KIF1A: variants seen among roughly 807,000 people sequenced by gnomAD.
The protein encoded by KIF1A is kinesin-like protein KIF1A.
In KIF1A, 46 loss-of-function variants were observed where a neutral mutation model predicts 227.3. The ratio of observed to expected loss-of-function variants is 0.20; its 90% CI spans 0.16 to 0.26. KIF1A has a LOEUF of 0.26. Ranked by LOEUF, KIF1A falls within the 10% of genes least tolerant of loss-of-function variation. The pLI, the probability that KIF1A is intolerant of heterozygous loss-of-function variation, is 1.00. For missense variants in KIF1A, 1,683 were observed against 2,485.9 expected (o/e 0.68, Z 6.87); for synonymous variants, 1,022 against 1,012.8 (o/e 1.01, Z -0.17).
rs2054376590 is a variant in KIF1A at position 240,783,814 on chromosome 2, C to T, written c.723G>A (p.Val241=). ...DAETNITTEK[V]SKISLVDLAG... is the part of the protein sequence containing the mutation. Reference sequence around the variant, plus strand: ...CCAGGTCCACCAGGCTGATTTTGCTCACCTGAAACAGTAGATACATCACAT... The same window carrying T: ...CCAGGTCCACCAGGCTGATTTTGCTTACCTGAAACAGTAGATACATCACAT... The change falls in exon 8 of 49, where the codon GTG becomes GTA. Residue 241 remains valine (V), a splice_region_variant and synonymous_variant. Transcript: ENST00000498729. 2.5e-6 allele frequency: 4 copies of T among 1,587,614 alleles called. No individual in the cohort carries two copies. The highest frequency in any genetic ancestry group is 2.6e-6 in the Non-Finnish European group (3 of 1,166,892).
chr2:240,819,481 A>C (rs1381039057), intron 1 of KIF1A, among the ~76,000 whole-genome samples: 1 of 152,018 alleles, frequency 6.6e-6, no homozygotes, highest in African/African-American at 2.4e-5. Flanking sequence ...CCGTGCAACG[A>C]AGCGGGTGGC....
At position 240,771,242 on chromosome 2, in the gene KIF1A, T is replaced by C. The variant is rs773955329; in HGVS notation, c.1208-138A>G. On this transcript the variant is annotated intron_variant, in intron 14 of 48. Transcript: ENST00000498729. ...GGGAGGGAGAGAAAAAAGATGAAGA[T>C]GGGAAAAAGTAAGAGATGGGGCCCA... 974 of 1,030,162 alleles carry C rather than the reference T, an allele frequency of 9.5e-4. 7 individuals carry two copies. The highest frequency in any genetic ancestry group is 2.9e-3 in the Middle Eastern group (14 of 4,864). 63.8% of individuals were successfully genotyped at this position (1,030,162 alleles called of 1,614,324 possible).
chr2:240,783,184 G>A (rs1012040104), intron 8 of KIF1A, 75 bp from the exon 9 acceptor site: 4 of 1,161,730 alleles, frequency 3.4e-6, no homozygotes, highest in Non-Finnish European at 5.2e-6. Context: ...GATGCCCTGG[G>A]TGGACCTGTG....
rs1389600861 is a variant in KIF1A, at chr2:240,766,486, C to T, written c.1684+429G>A. On this transcript the variant is annotated intron_variant, in intron 19 of 48. Transcript: ENST00000498729. This position sits in a 1 kb window ranked among gnomAD's most constrained non-coding sequence, Gnocchi z 5.0. ...CTGGAAATAGTTTTCCACCCTAGAT[C>T]TGGGCTCAATCCTCATGGCTCACTG... Among the ~76,000 whole-genome samples the T allele has an allele frequency of 6.6e-6, 1 of 152,142 alleles. No homozygotes were observed. The highest frequency in any genetic ancestry group is 1.9e-4 in the East Asian group (1 of 5,182).
At chr2:240,786,234 G>T in intron 6 of KIF1A, 101 bp downstream of exon 6, 1 of 1,197,280 alleles carries the variant, frequency 8.4e-7, no homozygotes, top group Non-Finnish European at 1.2e-6. Flanking sequence ...GGGCACAGAT[G>T]GACCCTACCA....
rs766620713 is a variant in KIF1A at position 240,740,275 on chromosome 2, G to A, written c.3816+23C>T. 3 of 1,607,806 alleles carry A rather than the reference G, an allele frequency of 1.9e-6. No individual in the cohort carries two copies. The highest frequency in any genetic ancestry group is 2.6e-6 in the Non-Finnish European group (3 of 1,175,556). Reference sequence around the variant, plus strand: ...GGGTGGGGGAGGGGACACAGGCAGGGTAGGGGCAAGAGGGGCTCACACCTG... The same window carrying A: ...GGGTGGGGGAGGGGACACAGGCAGGATAGGGGCAAGAGGGGCTCACACCTG... On this transcript the variant is annotated intron_variant, in intron 36 of 48. Transcript: ENST00000498729. This position sits in a 1 kb window ranked among gnomAD's most constrained non-coding sequence, Gnocchi z 6.1.
chr2:240,781,451 A>AGCTC lies in KIF1A; in HGVS notation c.882+1138_882+1139insGAGC, dbSNP rs138545527. ...CAGCTCCACACACACACACACACAC[A>AGCTC]CACACACAGCTCCACACACACACAC... On this transcript the variant is annotated intron_variant, in intron 10 of 48. Coordinates refer to ENST00000498729, the MANE Select transcript of KIF1A (RefSeq NM_001244008.2). Among the ~76,000 whole-genome samples the AGCTC allele has an allele frequency of 1.3e-3, 79 of 62,906 alleles. 4 individuals are homozygous for AGCTC. The highest frequency in any genetic ancestry group is 3.0e-3 in the East Asian group (8 of 2,692). 41.3% of individuals were successfully genotyped at this position (62,906 alleles called of 152,430 possible). A position where few individuals can be genotyped will look rare whatever the true frequency, so the allele number is the denominator to read the frequency against.
chr2:240,748,105 G>A (rs1447535310), intron 28 of KIF1A, among the ~76,000 whole-genome samples: 1 of 152,242 alleles, frequency 6.6e-6, no homozygotes, highest in Non-Finnish European at 1.5e-5. Flanking sequence ...CCGGCAGGAG[G>A]CCTGGCGACG....
intron 23 of KIF1A, among the ~76,000 whole-genome samples, chr2:240,762,449 G>T (rs140537168): frequency 6.6e-4 from 101 of 152,360 alleles, no homozygotes; most frequent in Non-Finnish European, 1.3e-3. Flanking sequence ...GTGCACGTGT[G>T]TACATGTGTG....
intron 1 of KIF1A, among the ~76,000 whole-genome samples, chr2:240,812,258 G>A (rs1203952605): frequency 6.6e-6 from 1 of 152,198 alleles, no homozygotes; most frequent in Non-Finnish European, 1.5e-5. Context: ...TGTGGAAGGG[G>A]GCTGGGGGTG....
In KIF1A at chr2:240,718,924, C is replaced by A. The variant is rs80021949; in HGVS notation, c.5214+82G>T. The A allele has an allele frequency of 5.1e-6, 6 of 1,173,246 alleles. No individual in the cohort carries two copies. In the Admixed American group the frequency reaches 7.8e-5, roughly 15 times the overall value. The allele number at this position is 1,173,246 out of a possible 1,614,324, so 72.7% of individuals were successfully genotyped here. ...TGAGCAGATGGGCCTCCTGCTCTGA[C>A]GCAGGGCTGCAGAGGATGGTGGCTC... On this transcript the variant is annotated intron_variant, in intron 47 of 48. Transcript: ENST00000498729.
At chr2:240,741,693 G>A (rs186373810) in intron 34 of KIF1A, among the ~76,000 whole-genome samples, 13 of 152,296 alleles carry the variant, frequency 8.5e-5, no homozygotes, top group East Asian at 1.9e-4. Context: ...CAGGGCAGCC[G>A]CACATACCCT....
In KIF1A at chr2:240,726,814, T is replaced by C. The variant is rs1339305322; in HGVS notation, c.4122+12A>G. On this transcript the variant is annotated intron_variant, in intron 39 of 48. Transcript: ENST00000498729. This position sits in a 1 kb window ranked among gnomAD's most constrained non-coding sequence, Gnocchi z 5.2. ...GTGGTTTTGGTGGAGTGCCCTGGCA[T>C]AGGTGCCTTGCCTCGATATAAGCGG... 1 of 1,558,452 alleles carries C rather than the reference T, an allele frequency of 6.4e-7. No homozygotes were observed. Among genetic ancestry groups the C allele is most frequent in the Admixed American group, 1.7e-5 (1 of 58,352 alleles).
In KIF1A at chr2:240,788,026, C is replaced by T. The variant is rs2055169329; in HGVS notation, c.363+25G>A. The T allele has an allele frequency of 1.4e-6, 2 of 1,460,068 alleles. No individual in the cohort carries two copies. Among genetic ancestry groups the T allele is most frequent in the Non-Finnish European group, 9.4e-7 (1 of 1,067,720 alleles). The allele number at this position is 1,460,068 out of a possible 1,614,324, so 90.4% of individuals were successfully genotyped here. ...GGTCCCGCCCCATCTGCCAGGGCTG[C>T]CCCCGCCCGCCCCCCGCTTCGTGCC... On this transcript the variant is annotated intron_variant, in intron 4 of 48. Transcript: ENST00000498729. This position sits in a 1 kb window ranked among gnomAD's most constrained non-coding sequence, Gnocchi z 6.6.
At chr2:240,782,054 T>C in intron 10 of KIF1A, 1 of 985,404 alleles carries the variant, frequency 1.0e-6, no homozygotes, top group Non-Finnish European at 1.2e-6. Flanking sequence ...ACTCCGTTCC[T>C]GCCGGTCCCT....
At chr2:240,727,546 C>T (rs921428365) in intron 38 of KIF1A, among the ~76,000 whole-genome samples, 29 of 152,180 alleles carry the variant, frequency 1.9e-4, no homozygotes, top group Non-Finnish European at 3.2e-4. Context: ...AGGAAGGCCC[C>T]GGGGGGAGGA....
chr2:240,759,846 C>CA (rs535272900), intron 25 of KIF1A, among the ~76,000 whole-genome samples: 14 of 151,798 alleles, frequency 9.2e-5, no homozygotes, highest in South Asian at 6.2e-4. Context: ...ATCTCTACCA[C>CA]AAAAAAAATT....
chr2:240,753,052 C>T (rs2049411083), intron 27 of KIF1A, among the ~76,000 whole-genome samples: 1 of 152,226 alleles, frequency 6.6e-6, no homozygotes, highest in Admixed American at 6.5e-5. Flanking sequence ...GTGAGCAGAG[C>T]CCTGGGCTCT....
chr2:240,782,126 C>A lies in KIF1A; in HGVS notation c.882+464G>T, dbSNP rs2054115807. On this transcript the variant is annotated intron_variant, in intron 10 of 48. Coordinates refer to ENST00000498729, the MANE Select transcript of KIF1A (RefSeq NM_001244008.2). ...CAGTCCCCAGCGTCGCCCCAGGCAG[C>A]TTCACACGTGGCGCGCTCCGCGGCA... The A allele has an allele frequency of 4.1e-6, 4 of 985,234 alleles. No individual in the cohort carries two copies. In the South Asian group the frequency reaches 1.9e-4, roughly 46 times the overall value. 61.0% of individuals were successfully genotyped at this position (985,234 alleles called of 1,614,324 possible).
Sources: gnomAD v4.1 joint callset for allele counts (sites outside exome capture counted in the v4.1 genomes callset) on GRCh38, gnomAD v4.1.1 for gene constraint, Gnocchi (gnomAD v3.1) non-coding constraint, MANE v1.5 for transcripts, NCBI Gene and HGNC (gene_info 2026-07-23, HGNC 2026-07-21) for gene names.